The following ERICH6 variants were observed in gnomAD, a reference collection of about 807,000 sequenced individuals.
ERICH6 encodes the protein glutamate rich 6.
Under a neutral mutation model 71.0 loss-of-function variants are expected in ERICH6, and 71 were observed. That is an observed-to-expected ratio of 1.00 (90% confidence interval 0.83 to 1.22). The LOEUF (loss-of-function observed/expected upper bound fraction) is 1.22, where lower values mean the gene tolerates loss of function less well. Ranked by LOEUF, ERICH6 falls within the 50% of genes most tolerant of loss-of-function variation. ERICH6 has a pLI of 0.00. For synonymous variants in ERICH6, 262 were observed against 278.4 expected (o/e 0.94, Z 0.59); for missense variants, 808 against 797.2 (o/e 1.01, Z -0.16).
intron 6 of ERICH6, among the ~76,000 whole-genome samples, chr3:150,683,712 C>G (rs1416261746): frequency 6.6e-6 from 1 of 152,098 alleles, no homozygotes; most frequent in African/African-American, 2.4e-5. Flanking sequence ...TAAGATCATG[C>G]CACTGCACTC....
intron 7 of ERICH6, among the ~76,000 whole-genome samples, chr3:150,681,846 A>C (rs1711961316): frequency 8.8e-6 from 1 of 113,920 alleles, no homozygotes; most frequent in African/African-American, 3.5e-5. Context: ...ACAGAGTCTC[A>C]CTCTGTTGCC....
chr3:150,667,133 T>C (rs529825543), intron 12 of ERICH6, 118 bp from the exon 13 acceptor site: 1 of 873,502 alleles, frequency 1.1e-6, no homozygotes, highest in Non-Finnish European at 1.8e-6. Flanking sequence ...TTAGCAGGAG[T>C]GGTGGAAACT....
chr3:150,688,782 C>T (rs1189032284), intron 3 of ERICH6, among the ~76,000 whole-genome samples: 4 of 152,300 alleles, frequency 2.6e-5, no homozygotes, highest in East Asian at 1.9e-4. Context: ...TGAGTTGTCC[C>T]GCCTTTCCAG....
intron 3 of ERICH6, among the ~76,000 whole-genome samples, chr3:150,696,608 G>T (rs1322952615): frequency 6.6e-6 from 1 of 152,048 alleles, no homozygotes; most frequent in African/African-American, 2.4e-5. Flanking sequence ...ATGGAAAAAT[G>T]GGAAAAAGAT....
At chr3:150,678,590 G>T (rs1323921362) in intron 9 of ERICH6, 36 bp from the exon 10 acceptor site, 1 of 1,500,480 alleles carries the variant, frequency 6.7e-7, no homozygotes, top group Non-Finnish European at 8.9e-7. Flanking sequence ...ATACATATAT[G>T]TTTTAAATTT....
intron 7 of ERICH6, 67 bp from the exon 8 acceptor site, chr3:150,680,997 T>C: frequency 1.4e-6 from 2 of 1,466,912 alleles, no homozygotes; most frequent in South Asian, 3.1e-5. Context: ...GGGATAAAAA[T>C]GACTAACAAG....
At chr3:150,681,893 C>A (rs112115855) in intron 7 of ERICH6, among the ~76,000 whole-genome samples, 9,908 of 143,266 alleles carry the variant, frequency 0.069, 1,125 homozygotes, top group African/African-American at 0.23. Flanking sequence ...TGGCTCACTG[C>A]GACCTCCGTC....
intron 11 of ERICH6, among the ~76,000 whole-genome samples, chr3:150,673,196 C>T (rs908808794): frequency 6.7e-5 from 10 of 148,976 alleles, no homozygotes; most frequent in Admixed American, 6.1e-4. Flanking sequence ...TCTTTCCTCT[C>T]TCTTTCTTTC....
intron 13 of ERICH6, among the ~76,000 whole-genome samples, chr3:150,661,741 C>T (rs1402097167): frequency 6.6e-6 from 1 of 152,004 alleles, no homozygotes; most frequent in Non-Finnish European, 1.5e-5. Context: ...GTTAGCTGGG[C>T]ATGGTGGTGC....
intron 12 of ERICH6, among the ~76,000 whole-genome samples, chr3:150,667,648 C>T (rs891091898): frequency 6.6e-6 from 1 of 152,178 alleles, no homozygotes; most frequent in African/African-American, 2.4e-5. Flanking sequence ...TACTACATCA[C>T]GTTTAGCCCC....
chr3:150,684,309 A>G (rs1420157177), intron 6 of ERICH6, among the ~76,000 whole-genome samples: 1 of 152,228 alleles, frequency 6.6e-6, no homozygotes, highest in Non-Finnish European at 1.5e-5. Context: ...AAATATAAAG[A>G]GTAAATGTTT....
intron 13 of ERICH6, among the ~76,000 whole-genome samples, chr3:150,661,254 A>G (rs1440262617): frequency 2.0e-5 from 3 of 152,238 alleles, no homozygotes; most frequent in African/African-American, 7.2e-5. Context: ...AATGGGAAGC[A>G]GGATGGAGTC....
rs199606951 is a variant in ERICH6, at chr3:150,682,272, G to A, written c.828C>T (p.Ser276=). The A allele has an allele frequency of 3.6e-5, 58 of 1,613,582 alleles. 1 individual carries two copies. The highest frequency in any genetic ancestry group is 2.1e-4 in the African/African-American group (16 of 74,990). Residue 276 remains serine, a synonymous_variant, in exon 7 of 14, where the codon AGC becomes AGT. Coordinates refer to ENST00000295910, the MANE Select transcript of ERICH6 (RefSeq NM_152394.5). ...CATTAGAAAAAAATGCTCTTAGATCGCTGCCACAAAATTCACATTTGGGTG... is the reference window on the plus strand; with the variant it reads ...CATTAGAAAAAAATGCTCTTAGATCACTGCCACAAAATTCACATTTGGGTG... ...ETSPKCEFCG[S]DLRAFFSNVD...
intron 11 of ERICH6, among the ~76,000 whole-genome samples, chr3:150,672,042 T>C (rs1021154324): frequency 6.6e-6 from 1 of 152,126 alleles, no homozygotes; most frequent in African/African-American, 2.4e-5. Context: ...AAACCACTTT[T>C]GTTCAGTAAT....
rs757432539 is a variant in ERICH6, at chr3:150,660,119, C to T, written c.1765G>A (p.Val589Ile). Residue 589 changes from valine (V) to isoleucine (I), a missense_variant, in exon 14 of 14, where the codon GTA becomes ATA. Coordinates refer to ENST00000295910, the MANE Select transcript of ERICH6 (RefSeq NM_152394.5). ...NPEEIPILRY[V>I]SGDDLLLLAS... ...AGCAGAAGAAGGTCATCTCCACTTA[C>T]GTATCGGAGGATTGGAATCTCCTCA... The T allele has an allele frequency of 1.9e-5, 31 of 1,613,828 alleles. No homozygotes were observed. Among genetic ancestry groups the T allele is most frequent in the Admixed American group, 1.3e-4 (8 of 59,976 alleles).
chr3:150,686,420 A>G, intron 3 of ERICH6, 66 bp from the exon 4 acceptor site: 1 of 1,336,562 alleles, frequency 7.5e-7, no homozygotes, highest in South Asian at 1.3e-5. Context: ...TATAAAAGAA[A>G]ATACATCTCT....
In ERICH6 at chr3:150,682,216, A is replaced by C; in HGVS notation, c.882+2T>G. On this transcript the variant is annotated splice_donor_variant, in intron 7 of 13. Coordinates refer to ENST00000295910, the MANE Select transcript of ERICH6 (RefSeq NM_152394.5). LOFTEE classifies it high-confidence loss of function. Reference sequence around the variant, plus strand: ...CCACAGTAAACCTGACTTAGAACTTACATGCCCTTTTGGTTCAGAGGAAAC... The same window carrying C: ...CCACAGTAAACCTGACTTAGAACTTCCATGCCCTTTTGGTTCAGAGGAAAC... The C allele has an allele frequency of 6.2e-7, 1 of 1,611,562 alleles. No individual in the cohort carries two copies. The highest frequency in any genetic ancestry group is 8.5e-7 in the Non-Finnish European group (1 of 1,177,942).
rs569492622 is a variant in ERICH6, at chr3:150,682,131, G to A, written c.882+87C>T. 4 of 1,145,850 alleles carry A rather than the reference G, an allele frequency of 3.5e-6. No individual in the cohort carries two copies. In the East Asian group the frequency reaches 9.5e-5, roughly 27 times the overall value. 71.0% of individuals were successfully genotyped at this position (1,145,850 alleles called of 1,614,324 possible). A position where few individuals can be genotyped will look rare whatever the true frequency, so the allele number is the denominator to read the frequency against. ...AGCCCGGCCTAACTCTTTTAAAAAT[G>A]GCAATGCAGGGGAAAGATGCAAGAG... On this transcript the variant is annotated intron_variant, in intron 7 of 13. Transcript: ENST00000295910.
rs1172494479 is a variant in ERICH6, at chr3:150,703,867, C to T, written c.32G>A (p.Gly11Glu). The change falls in exon 1 of 14, where the codon GGA becomes GAA. Residue 11 changes from glycine (G) to glutamate (E), a missense_variant. Gly to Glu is a moderately conservative substitution (Grantham distance 98). Around this residue, in one of 3 missense-constraint regions of ERICH6, gnomAD observed 53 missense variants for 40.6 expected, o/e 1.30. Coordinates refer to ENST00000295910, the MANE Select transcript of ERICH6 (RefSeq NM_152394.5). MAHLRSPSGFGDPGKKDQKES... is the reference protein window; with the variant it reads MAHLRSPSGFEDPGKKDQKES... ...CTTCTGGTCCTTCTTCCCCGGGTCT[C>T]CGAAGCCGCTAGGCGAGCGCAAGTG... 5 of 1,612,340 alleles carry T rather than the reference C, an allele frequency of 3.1e-6. No individual in the cohort carries two copies. Among genetic ancestry groups the T allele is most frequent in the East Asian group, 4.5e-5 (2 of 44,770 alleles).
Sources: allele counts gnomAD v4.1 joint callset (sites outside exome capture counted in the v4.1 genomes callset), GRCh38; gene constraint gnomAD v4.1.1; regional missense constraint gnomAD v4.1.1; transcripts MANE v1.5; gene names NCBI Gene and HGNC (gene_info 2026-07-23, HGNC 2026-07-21).